ANO2: variants seen among roughly 807,000 people sequenced by gnomAD.
The protein encoded by ANO2 is anoctamin 2, also known as anoctamin-2.
A neutral mutation model predicts 124.2 loss-of-function variants in ANO2; 101 were observed. That is an observed-to-expected ratio of 0.81 (90% confidence interval 0.69 to 0.96). ANO2 has a LOEUF of 0.96. ANO2 is among the 40% of genes least tolerant of loss of function. The probability of loss-of-function intolerance (pLI) is 0.00; values close to 1 mark genes in which losing one functional copy is unlikely to be tolerated. For synonymous variants in ANO2, 486 were observed against 482.5 expected (o/e 1.01, Z -0.09); for missense variants, 1,293 against 1,274.5 (o/e 1.01, Z -0.22).
chr12:5,641,078 C>G (rs999785346), intron 15 of ANO2, among the ~76,000 whole-genome samples: 1 of 152,132 alleles, frequency 6.6e-6, no homozygotes, highest in Non-Finnish European at 1.5e-5. Context: ...TTTGCAGGGA[C>G]ACGGATGCAG....
At chr12:5,583,333 C>T (rs190499200) in intron 20 of ANO2, among the ~76,000 whole-genome samples, 3 of 152,162 alleles carry the variant, frequency 2.0e-5, no homozygotes, top group Admixed American at 2.0e-4. Context: ...GAGTCCAATT[C>T]TAATGAAAAT....
chr12:5,858,673 A>T (rs1955179932), intron 3 of ANO2: 1 of 152,250 alleles, frequency 6.6e-6, no homozygotes, highest in Non-Finnish European at 1.5e-5. Flanking sequence ...CTGCAGATGA[A>T]GTAGGTGAAG....
At chr12:5,623,473 T>C (rs1945229606) in intron 16 of ANO2, among the ~76,000 whole-genome samples, 1 of 152,172 alleles carries the variant, frequency 6.6e-6, no homozygotes, top group Non-Finnish European at 1.5e-5. Flanking sequence ...CCTTTTCTTT[T>C]ACGTGTTAAT....
intron 14 of ANO2, among the ~76,000 whole-genome samples, chr12:5,730,338 A>G (rs1403204035): frequency 2.6e-5 from 4 of 152,254 alleles, no homozygotes; most frequent in Non-Finnish European, 4.4e-5. Context: ...GGGATCAGGC[A>G]GAGCTGGGTT....
chr12:5,899,598 T>C (rs1376200040), intron 3 of ANO2, among the ~76,000 whole-genome samples: 2 of 152,226 alleles, frequency 1.3e-5, no homozygotes, highest in Admixed American at 6.5e-5. Flanking sequence ...CAACAAATGT[T>C]TGTTCCCTTT....
intron 11 of ANO2, among the ~76,000 whole-genome samples, 181 bp downstream of exon 11, chr12:5,750,655 C>T (rs1410518018): frequency 6.6e-6 from 1 of 152,228 alleles, no homozygotes; most frequent in Non-Finnish European, 1.5e-5. Flanking sequence ...GCTCTGAAGC[C>T]ATTCCCAGAA....
Position 5,922,601 on chromosome 12 carries a change from AC to A in ANO2, c.207+18del. 1.2e-6 allele frequency: 1 copy of A among 861,472 alleles called. No individual in the cohort carries two copies. The highest frequency in any genetic ancestry group is 1.7e-6 in the Non-Finnish European group (1 of 596,372). The allele number at this position is 861,472 out of a possible 1,614,324, so 53.4% of individuals were successfully genotyped here. A position where few individuals can be genotyped will look rare whatever the true frequency, so the allele number is the denominator to read the frequency against. ...CAGGGCTGGCCTATCCCCCCACCCC[AC>A]CCCCGCCCAGTACTCACAGAGCTGC... On this transcript the variant is annotated intron_variant, in intron 2 of 24. Coordinates refer to ENST00000682330, the MANE Select transcript of ANO2 (RefSeq NM_001364791.2).
At position 5,635,032 on chromosome 12, in the gene ANO2, A is replaced by T; in HGVS notation, c.1816+120T>A. 2.3e-6 allele frequency: 2 copies of T among 886,206 alleles called. No individual in the cohort carries two copies. The highest frequency in any genetic ancestry group is 3.2e-6 in the Non-Finnish European group (2 of 624,628). 54.9% of individuals were successfully genotyped at this position (886,206 alleles called of 1,614,324 possible). ...GTTGCACTTCCCCATTTCTCTAATT[A>T]AAATGCACTGTACAAAGCATCCTGT... On this transcript the variant is annotated intron_variant, in intron 16 of 24. Transcript: ENST00000682330. This position sits in a 1 kb window ranked among gnomAD's most constrained non-coding sequence, Gnocchi z 5.2.
chr12:5,727,491 TAG>T (rs978137001), intron 14 of ANO2, among the ~76,000 whole-genome samples: 2 of 143,024 alleles, frequency 1.4e-5, no homozygotes, highest in Non-Finnish European at 3.0e-5. Flanking sequence ...GGAAACCTTA[TAG>T]AGAGAGTTTT....
chr12:5,739,131 C>T (rs1288922726), intron 13 of ANO2, 186 bp downstream of exon 13: 1 of 699,534 alleles, frequency 1.4e-6, no homozygotes, highest in Admixed American at 2.0e-5. Flanking sequence ...GGTACTTGAA[C>T]TCTTGGCCTC....
chr12:5,778,628 T>G (rs780988237), intron 10 of ANO2, among the ~76,000 whole-genome samples: 2 of 152,160 alleles, frequency 1.3e-5, no homozygotes, highest in Non-Finnish European at 2.9e-5. Context: ...TTACATGAAA[T>G]AAATGTATAT....
At chr12:5,742,282 AT>A in intron 12 of ANO2, among the ~76,000 whole-genome samples, 1 of 152,306 alleles carries the variant, frequency 6.6e-6, no homozygotes, top group South Asian at 2.1e-4. Flanking sequence ...CATTACTATT[AT>A]TTTTAATTGT....
At chr12:5,584,172 A>T (rs1942966108) in intron 20 of ANO2, 1 of 158,448 alleles carries the variant, frequency 6.3e-6, no homozygotes, top group South Asian at 1.5e-4. Flanking sequence ...GATCATGTCA[A>T]CAGACTGGCA....
chr12:5,608,263 C>T (rs1591722502), intron 19 of ANO2, among the ~76,000 whole-genome samples: 2 of 150,212 alleles, frequency 1.3e-5, no homozygotes, highest in South Asian at 2.1e-4. Flanking sequence ...TATTGAGAGT[C>T]GAAGATCCAG....
At chr12:5,710,299 G>C (rs1056934650) in intron 14 of ANO2, among the ~76,000 whole-genome samples, 2 of 152,224 alleles carry the variant, frequency 1.3e-5, no homozygotes, top group African/African-American at 4.8e-5. Flanking sequence ...CCTGAGGCCT[G>C]ACACTAAGGT....
At chr12:5,743,192 G>A (rs1014295201) in intron 12 of ANO2, among the ~76,000 whole-genome samples, 2 of 151,580 alleles carry the variant, frequency 1.3e-5, no homozygotes, top group Non-Finnish European at 2.9e-5. Flanking sequence ...GCTCAGGGAC[G>A]TGTGACTCAG....
At chr12:5,682,976 A>G (rs1301880715) in intron 14 of ANO2, among the ~76,000 whole-genome samples, 1 of 152,160 alleles carries the variant, frequency 6.6e-6, no homozygotes, top group Non-Finnish European at 1.5e-5. Flanking sequence ...GGTGACCATG[A>G]GTACTGGGGA....
intron 14 of ANO2, among the ~76,000 whole-genome samples, chr12:5,662,328 T>C (rs550261659): frequency 7.9e-5 from 12 of 152,254 alleles, no homozygotes; most frequent in African/African-American, 2.9e-4. Flanking sequence ...TCCTACAACT[T>C]AAGAGATGGT....
intron 17 of ANO2, among the ~76,000 whole-genome samples, 157 bp from the exon 18 acceptor site, chr12:5,613,115 T>C (rs1169107370): frequency 6.6e-6 from 1 of 152,104 alleles, no homozygotes; most frequent in Non-Finnish European, 1.5e-5. Context: ...TGCACACTGT[T>C]ATCAGCAAGT....
Sources: allele counts gnomAD v4.1 joint callset (sites outside exome capture counted in the v4.1 genomes callset), GRCh38; gene constraint gnomAD v4.1.1; non-coding constraint Gnocchi (gnomAD v3.1); transcripts MANE v1.5; gene names NCBI Gene and HGNC (gene_info 2026-07-23, HGNC 2026-07-21).